The following SYNDIG1 variants were observed in gnomAD, a reference collection of about 807,000 sequenced individuals.
SYNDIG1 encodes the protein synapse differentiation-inducing gene protein 1.
A neutral mutation model predicts 19.4 loss-of-function variants in SYNDIG1; 9 were observed. The ratio of observed to expected loss-of-function variants is 0.46; its 90% CI spans 0.28 to 0.81. SYNDIG1 has a LOEUF of 0.81. Among genes scored for constraint, SYNDIG1 ranks in the 30% least tolerant of loss-of-function variants. SYNDIG1 has a pLI of 0.12. For synonymous variants in SYNDIG1, 141 were observed against 145.9 expected (o/e 0.97, Z 0.24); for missense variants, 311 against 343.3 (o/e 0.91, Z 0.74).
chr20:24,589,720 T>G (rs1449365747), intron 3 of SYNDIG1, among the ~76,000 whole-genome samples: 1 of 152,140 alleles, frequency 6.6e-6, no homozygotes, highest in African/African-American at 2.4e-5. Flanking sequence ...AATGTTTCTT[T>G]CCTTTACTAA....
intron 3 of SYNDIG1, among the ~76,000 whole-genome samples, chr20:24,648,835 C>T (rs559307742): frequency 1.3e-5 from 2 of 152,330 alleles, no homozygotes; most frequent in African/African-American, 2.4e-5. Context: ...TGGAGGCCGG[C>T]GTCTGCAGAG....
At chr20:24,595,823 G>A (rs1400816868) in intron 3 of SYNDIG1, among the ~76,000 whole-genome samples, 1 of 152,126 alleles carries the variant, frequency 6.6e-6, no homozygotes, top group East Asian at 1.9e-4. Context: ...ATTTATGATT[G>A]TGTTTATTTG....
At chr20:24,518,847 A>G (rs2056944265) in intron 1 of SYNDIG1, among the ~76,000 whole-genome samples, 2 of 152,228 alleles carry the variant, frequency 1.3e-5, no homozygotes, top group South Asian at 4.1e-4. Context: ...GTCTGTTGGC[A>G]TCCTGGTGAC....
At chr20:24,578,036 C>CTCATTCAT (rs1349965509) in intron 2 of SYNDIG1, among the ~76,000 whole-genome samples, 1 of 152,228 alleles carries the variant, frequency 6.6e-6, no homozygotes, top group Non-Finnish European at 1.5e-5. Context: ...AGGCGAATCC[C>CTCATTCAT]TCATTCATTC....
At position 24,538,066 on chromosome 20, in the gene SYNDIG1, T is replaced by A. The variant is rs555740119; in HGVS notation, c.-78-4954T>A. ...TCCACATAGATAGCTCTTCTTTTTA[T>A]GTTTTATTTTAGTTCAGTTTAATTG... is the stretch of plus-strand genomic sequence containing the variant. On this transcript the variant is annotated intron_variant, in intron 1 of 3. Coordinates refer to ENST00000376862, the MANE Select transcript of SYNDIG1 (RefSeq NM_024893.3). Among the ~76,000 whole-genome samples, 11 of 152,268 alleles carry A rather than the reference T, an allele frequency of 7.2e-5. No homozygotes were observed. The East Asian group carries it at 9.6e-4, about 13-fold the overall frequency.
intron 2 of SYNDIG1, among the ~76,000 whole-genome samples, chr20:24,568,254 T>G (rs1356229751): frequency 2.0e-5 from 3 of 152,210 alleles, no homozygotes; most frequent in Non-Finnish European, 4.4e-5. Flanking sequence ...TTCTTTTTGT[T>G]TCAGGTAATG....
chr20:24,548,072 C>T (rs1009025475), intron 2 of SYNDIG1, among the ~76,000 whole-genome samples: 1 of 152,188 alleles, frequency 6.6e-6, no homozygotes, highest in Non-Finnish European at 1.5e-5. Context: ...CCACGCCCTC[C>T]AAGTGCACTT....
In SYNDIG1 at chr20:24,472,203, C is replaced by A. The variant is rs117988487; in HGVS notation, c.-79+2450C>A. Among the ~76,000 whole-genome samples the A allele has an allele frequency of 3.3e-5, 5 of 152,184 alleles. No individual in the cohort carries two copies. In the East Asian group the frequency reaches 9.7e-4, roughly 29 times the overall value. ...GAAAACCTGCCAACTTTACTTGAGG[C>A]GTACAGGGGTGAGATATTGAAGAAG... is the stretch of plus-strand genomic sequence containing the variant. On this transcript the variant is annotated intron_variant, in intron 1 of 3. Transcript: ENST00000376862.
At chr20:24,621,591 T>C (rs73345371) in intron 3 of SYNDIG1, among the ~76,000 whole-genome samples, 1 of 152,170 alleles carries the variant, frequency 6.6e-6, no homozygotes, top group Non-Finnish European at 1.5e-5. Context: ...ATCCTTTTTT[T>C]GGGGGAAAAC....
chr20:24,497,998 A>G (rs1385133932), intron 1 of SYNDIG1, among the ~76,000 whole-genome samples: 2 of 152,250 alleles, frequency 1.3e-5, no homozygotes, highest in East Asian at 1.9e-4. Flanking sequence ...AGACTTGGCC[A>G]TCAGCCAAAG....
At chr20:24,471,477 C>G (rs956348145) in intron 1 of SYNDIG1, among the ~76,000 whole-genome samples, 1 of 151,806 alleles carries the variant, frequency 6.6e-6, no homozygotes, top group African/African-American at 2.4e-5. Context: ...TTCCTCCCTC[C>G]CCTCTCTCTC....
At chr20:24,484,914 G>GT (rs2055912803) in intron 1 of SYNDIG1, among the ~76,000 whole-genome samples, 4 of 152,168 alleles carry the variant, frequency 2.6e-5, no homozygotes, top group African/African-American at 9.7e-5. Context: ...TTGGGTGATG[G>GT]GGGCAGATCC....
At chr20:24,600,530 C>A (rs751629076) in intron 3 of SYNDIG1, among the ~76,000 whole-genome samples, 1 of 151,976 alleles carries the variant, frequency 6.6e-6, no homozygotes, top group Non-Finnish European at 1.5e-5. Flanking sequence ...CCACAGAACA[C>A]ACTTTTCTTG....
At chr20:24,573,823 G>A (rs1021254399) in intron 2 of SYNDIG1, among the ~76,000 whole-genome samples, 2 of 152,188 alleles carry the variant, frequency 1.3e-5, no homozygotes, top group African/African-American at 2.4e-5. Flanking sequence ...AGTAATGGGG[G>A]TATCCAGCAA....
intron 3 of SYNDIG1, among the ~76,000 whole-genome samples, chr20:24,626,947 G>C (rs571131589): frequency 6.6e-6 from 1 of 152,142 alleles, no homozygotes; most frequent in South Asian, 2.1e-4. Context: ...GTGGCGGCGC[G>C]CGCCTGCAAT....
At chr20:24,475,731 C>T (rs1348357757) in intron 1 of SYNDIG1, among the ~76,000 whole-genome samples, 2 of 152,210 alleles carry the variant, frequency 1.3e-5, no homozygotes, top group African/African-American at 4.8e-5. Flanking sequence ...TCTTGGAATG[C>T]TTTCAGACAT....
chr20:24,522,265 A>T (rs1010300294), intron 1 of SYNDIG1, among the ~76,000 whole-genome samples: 1 of 151,972 alleles, frequency 6.6e-6, no homozygotes, highest in Admixed American at 6.6e-5. Flanking sequence ...AGCTTTAAAA[A>T]TTTTTTGTAG....
rs144689612 is a variant in SYNDIG1, at chr20:24,573,584, C to T, written c.481-11272C>T. 2.5e-3 allele frequency among the ~76,000 whole-genome samples: 386 copies of T among 152,402 alleles called. 2 individuals are homozygous for T. Among genetic ancestry groups the T allele is most frequent in the African/African-American group, 8.6e-3 (359 of 41,596 alleles). On this transcript the variant is annotated intron_variant, in intron 2 of 3. Transcript: ENST00000376862. ...GCTTACACTGATGGCCTGCTGCGCC[C>T]TGGTCACTTTGACCTGAATCACGTA...
chr20:24,489,820 G>A (rs1216681457), intron 1 of SYNDIG1, among the ~76,000 whole-genome samples: 5 of 152,232 alleles, frequency 3.3e-5, no homozygotes, highest in Admixed American at 6.5e-5. Context: ...GGACAGACTC[G>A]AGCAGCAAGT....
Sources: allele counts gnomAD v4.1 joint callset (sites outside exome capture counted in the v4.1 genomes callset), GRCh38; gene constraint gnomAD v4.1.1; transcripts MANE v1.5; gene names NCBI Gene and HGNC (gene_info 2026-07-23, HGNC 2026-07-21).